CDH4: variants seen among roughly 807,000 people sequenced by gnomAD.
CDH4 encodes cadherin 4, also known as cadherin-4.
In CDH4, 33 loss-of-function variants were observed where a neutral mutation model predicts 86.0. The observed-to-expected ratio is 0.38, with a 90% confidence interval of 0.29 to 0.51. The LOEUF (loss-of-function observed/expected upper bound fraction) is 0.51. Ranked by LOEUF, CDH4 falls within the 20% of genes least tolerant of loss-of-function variation. CDH4 has a pLI of 0.86. For synonymous variants in CDH4, 555 were observed against 549.4 expected, an observed-to-expected ratio of 1.01 and a Z score of -0.14; for missense variants, 1,114 against 1,307.4, an observed-to-expected ratio of 0.85 and a Z score of 2.28.
chr20:61,850,926 C>T (rs898825052), intron 5 of CDH4, among the ~76,000 whole-genome samples: 5 of 152,250 alleles, frequency 3.3e-5, no homozygotes, highest in African/African-American at 1.2e-4. Context: ...GTTATCCGCA[C>T]TCGCGCTGCT....
At chr20:61,526,856 A>C (rs2085914429) in intron 2 of CDH4, among the ~76,000 whole-genome samples, 1 of 152,160 alleles carries the variant, frequency 6.6e-6, no homozygotes, top group Non-Finnish European at 1.5e-5. Context: ...ATCAAATGGC[A>C]TGTCAATTTT....
intron 2 of CDH4, among the ~76,000 whole-genome samples, chr20:61,315,757 G>T (rs533623853): frequency 6.6e-6 from 1 of 152,346 alleles, no homozygotes; most frequent in South Asian, 2.1e-4. Context: ...ATGCTGGAGT[G>T]CAGTGGTGCG....
At chr20:61,712,027 A>G (rs918850203) in intron 2 of CDH4, among the ~76,000 whole-genome samples, 4 of 152,172 alleles carry the variant, frequency 2.6e-5, no homozygotes, top group Non-Finnish European at 5.9e-5. Flanking sequence ...GGGGTTGAGC[A>G]GCCTTGGCCA....
intron 2 of CDH4, among the ~76,000 whole-genome samples, chr20:61,531,377 C>A (rs1359544926): frequency 2.1e-5 from 3 of 146,218 alleles, no homozygotes; most frequent in Non-Finnish European, 4.4e-5. Flanking sequence ...GAGGCTGAGG[C>A]AGGGAAAATC....
chr20:61,475,651 G>A (rs571705859), intron 2 of CDH4, among the ~76,000 whole-genome samples: 3 of 55,696 alleles, frequency 5.4e-5, no homozygotes, highest in East Asian at 5.1e-4. Context: ...TCACTCACCC[G>A]CCTCCCCTCT....
chr20:61,698,151 G>T (rs1039840542), intron 2 of CDH4, among the ~76,000 whole-genome samples: 1 of 152,204 alleles, frequency 6.6e-6, no homozygotes, highest in Non-Finnish European at 1.5e-5. Flanking sequence ...CCTCGGAGGG[G>T]TCCCCTTGCA....
At chr20:61,689,260 G>A (rs2087625620) in intron 2 of CDH4, among the ~76,000 whole-genome samples, 1 of 85,042 alleles carries the variant, frequency 1.2e-5, no homozygotes, top group African/African-American at 4.5e-5. Context: ...TGTGGAATTG[G>A]GCTGGGACAG....
chr20:61,416,632 A>G (rs991795131), intron 2 of CDH4, among the ~76,000 whole-genome samples: 5 of 152,176 alleles, frequency 3.3e-5, no homozygotes, highest in Non-Finnish European at 7.3e-5. Flanking sequence ...TGGTTTTAAA[A>G]TTTTTATTTT....
intron 8 of CDH4, among the ~76,000 whole-genome samples, chr20:61,909,511 C>T (rs1675858029): frequency 6.6e-6 from 1 of 152,186 alleles, no homozygotes; most frequent in African/African-American, 2.4e-5. Context: ...TGGAAATCAC[C>T]AGGGTCTTGC....
At chr20:61,384,137 A>T (rs28514617) in intron 2 of CDH4, among the ~76,000 whole-genome samples, 20 of 151,906 alleles carry the variant, frequency 1.3e-4, no homozygotes, top group Non-Finnish European at 2.5e-4. Context: ...GTGCCCACCC[A>T]GACTGAGGGT....
intron 4 of CDH4, among the ~76,000 whole-genome samples, chr20:61,799,798 C>T (rs189436265): frequency 6.6e-6 from 1 of 152,336 alleles, no homozygotes; most frequent in East Asian, 1.9e-4. Flanking sequence ...ATTTCCTTCC[C>T]GTGCTGCCTT....
At position 61,453,640 on chromosome 20, in the gene CDH4, A is replaced by C. The variant is rs556874199; in HGVS notation, c.169+198703A>C. On this transcript the variant is annotated intron_variant, in intron 2 of 15. Coordinates refer to ENST00000614565, the MANE Select transcript of CDH4 (RefSeq NM_001794.5). ...GGCAGCTCACCTGCAGACAATCTGCAGGCTGTAGATTTGATTCTATGTATT... is the reference window on the plus strand; with the variant it reads ...GGCAGCTCACCTGCAGACAATCTGCCGGCTGTAGATTTGATTCTATGTATT... 5.3e-5 allele frequency among the ~76,000 whole-genome samples: 8 copies of C among 152,372 alleles called. No homozygotes were observed. In the East Asian group the frequency reaches 1.5e-3, roughly 29 times the overall value.
chr20:61,359,032 G>A (rs912675403), intron 2 of CDH4, among the ~76,000 whole-genome samples: 7 of 152,114 alleles, frequency 4.6e-5, no homozygotes, highest in South Asian at 2.1e-4. Flanking sequence ...TTGGGAAGCC[G>A]GAATGTGGAG....
chr20:61,628,621 G>A (rs756339928), intron 2 of CDH4, among the ~76,000 whole-genome samples: 18 of 152,358 alleles, frequency 1.2e-4, no homozygotes, highest in Admixed American at 3.3e-4. Flanking sequence ...CCCACAGGCC[G>A]GGCATCTGGA....
At chr20:61,272,605 G>T (rs1416684897) in intron 2 of CDH4, among the ~76,000 whole-genome samples, 1 of 152,164 alleles carries the variant, frequency 6.6e-6, no homozygotes, top group Non-Finnish European at 1.5e-5. Flanking sequence ...GAAGTTCCTG[G>T]TCACCCTCAG....
At chr20:61,581,779 G>A (rs2086430662) in intron 2 of CDH4, among the ~76,000 whole-genome samples, 1 of 152,204 alleles carries the variant, frequency 6.6e-6, no homozygotes, top group Non-Finnish European at 1.5e-5. Context: ...TCAGGACATG[G>A]ACACCTTTAG....
Position 61,559,349 on chromosome 20 carries a change from G to A in CDH4, c.170-184214G>A, listed in dbSNP as rs552319386. ...AAGAAAAAAATTTTTAAAAAGTATT[G>A]CTGCTCGTTGGAATGCTGATGGCCA... On this transcript the variant is annotated intron_variant, in intron 2 of 15. Coordinates refer to ENST00000614565, the MANE Select transcript of CDH4 (RefSeq NM_001794.5). 8.9e-3 allele frequency among the ~76,000 whole-genome samples: 1,360 copies of A among 151,964 alleles called. 8 individuals are homozygous for A. The highest frequency in any genetic ancestry group is 0.02 in the Middle Eastern group (6 of 294).
intron 2 of CDH4, among the ~76,000 whole-genome samples, chr20:61,331,925 T>A (rs2084583320): frequency 6.6e-6 from 1 of 151,970 alleles, no homozygotes; most frequent in African/African-American, 2.4e-5. Context: ...AGGGCATGAG[T>A]AAACTCTTCC....
intron 2 of CDH4, chr20:61,717,544 G>A (rs1282078176): frequency 6.6e-6 from 1 of 152,244 alleles, no homozygotes; most frequent in Non-Finnish European, 1.5e-5. Flanking sequence ...CTGGAGTGCA[G>A]TGGTGCGATC....
Sources: allele counts gnomAD v4.1 joint callset (sites outside exome capture counted in the v4.1 genomes callset), GRCh38; gene constraint gnomAD v4.1.1; transcripts MANE v1.5; gene names NCBI Gene and HGNC (gene_info 2026-07-23, HGNC 2026-07-21).